Variants in SLC26A11 observed in about 807,000 individuals in gnomAD.
SLC26A11 encodes the protein sodium-independent sulfate anion transporter.
Under a neutral mutation model 62.2 loss-of-function variants are expected in SLC26A11, and 58 were observed. The ratio of observed to expected loss-of-function variants is 0.93; its 90% CI spans 0.76 to 1.16. SLC26A11 has a LOEUF of 1.16. Ranked by LOEUF, SLC26A11 falls within the 50% of genes most tolerant of loss-of-function variation. The pLI is 0.00. For synonymous variants in SLC26A11, 411 were observed against 368.9 expected (o/e 1.11, Z -1.31); for missense variants, 790 against 794.3 (o/e 0.99, Z 0.06).
chr17:80,224,270 TGA>T (rs1249211447), intron 5 of SLC26A11, among the ~76,000 whole-genome samples: 4 of 118,618 alleles, frequency 3.4e-5, no homozygotes, highest in Admixed American at 1.0e-4. Context: ...TGTGCGTGTG[TGA>T]GTGAGTGCGT....
rs773357490 is a variant in SLC26A11 at position 80,222,211 on chromosome 17, C to T, written c.234+417C>T. Reference sequence around the variant, plus strand: ...CTAACAGGGTGAAACCCCGTCTCTACTAAAAATACAAAAAATTAGCCAGGT... The same window carrying T: ...CTAACAGGGTGAAACCCCGTCTCTATTAAAAATACAAAAAATTAGCCAGGT... On this transcript the variant is annotated intron_variant, in intron 3 of 17. Coordinates refer to ENST00000361193, the MANE Select transcript of SLC26A11 (RefSeq NM_001166347.2). The surrounding 1 kb of genome is among the most constrained non-coding windows in gnomAD (Gnocchi z 4.7). The T allele has an allele frequency of 2.7e-4, 52 of 194,324 alleles. No homozygotes were observed. The highest frequency in any genetic ancestry group is 4.6e-4 in the Non-Finnish European group (44 of 96,324). The allele number at this position is 194,324 out of a possible 1,614,324, so 12.0% of individuals were successfully genotyped here.
intron 9 of SLC26A11, among the ~76,000 whole-genome samples, chr17:80,237,877 C>T (rs1016034315): frequency 6.6e-6 from 1 of 152,230 alleles, no homozygotes; most frequent in African/African-American, 2.4e-5. Context: ...CCGATGTCCA[C>T]GGTGTAAACG....
In SLC26A11 at chr17:80,229,440, G is replaced by GT. The variant is rs760343908; in HGVS notation, c.736+1488dup. Among the ~76,000 whole-genome samples the GT allele has an allele frequency of 3.6e-3, 553 of 151,646 alleles. 4 individuals are homozygous for GT. The highest frequency in any genetic ancestry group is 0.012 in the African/African-American group (516 of 41,298). ...TATCTTTGTTATCTTTTGTTTTTTG[G>GT]TTTTTTTTGGAGACGGTGTCTCACT... On this transcript the variant is annotated intron_variant, in intron 7 of 17. Transcript: ENST00000361193.
chr17:80,237,149 GC>G, intron 8 of SLC26A11, 46 bp downstream of exon 8: 2 of 1,582,412 alleles, frequency 1.3e-6, no homozygotes, highest in South Asian at 1.1e-5. Flanking sequence ...GGCTGCGGTG[GC>G]CCCTGGCCTG....
Position 80,221,787 on chromosome 17 carries a change from C to T in SLC26A11, c.227C>T (p.Pro76Leu), listed in dbSNP as rs371832198. Residue 76 changes from proline (P) to leucine (L), a missense_variant, in exon 3 of 18, where the codon CCG (proline) becomes CTG (leucine). Coordinates refer to ENST00000361193, the MANE Select transcript of SLC26A11 (RefSeq NM_001166347.2). ...ALAYAEVAGL[P>L]PQYGLYSAFM... The stretch of plus-strand genomic sequence containing the variant: ...GCCTATGCTGAAGTGGCTGGACTCC[C>T]GCCCCAGGTGAGGCGTCTGACCCTG... The T allele has an allele frequency of 7.5e-6, 12 of 1,609,972 alleles. No individual in the cohort carries two copies. Among genetic ancestry groups the T allele is most frequent in the African/African-American group, 2.7e-5 (2 of 74,928 alleles).
Position 80,224,384 on chromosome 17 carries a change from T to C in SLC26A11, c.513+1047T>C, listed in dbSNP as rs1248515758. On this transcript the variant is annotated intron_variant, in intron 5 of 17. Coordinates refer to ENST00000361193, the MANE Select transcript of SLC26A11 (RefSeq NM_001166347.2). ...GAGGGAGTGTGAGTGCGCGCGCGCG[T>C]GTGTGAGTGTATGAGTGTGAGAGTG... 7.3e-4 allele frequency among the ~76,000 whole-genome samples: 105 copies of C among 144,270 alleles called. 1 individual carries two copies. Among genetic ancestry groups the C allele is most frequent in the South Asian group, 1.8e-3 (8 of 4,546 alleles). The allele number at this position is 144,270 out of a possible 152,430, so 94.6% of individuals were successfully genotyped here.
intron 10 of SLC26A11, among the ~76,000 whole-genome samples, chr17:80,242,330 AC>A (rs1372329718): frequency 3.3e-5 from 5 of 152,062 alleles, no homozygotes; most frequent in African/African-American, 4.8e-5. Flanking sequence ...GCTCAGTTTA[AC>A]CCCTAAGAAC....
Position 80,249,012 on chromosome 17 carries a change from C to G in SLC26A11, c.1523-142C>G, listed in dbSNP as rs1260310639. 4.8e-6 allele frequency: 5 copies of G among 1,048,694 alleles called. No individual in the cohort carries two copies. In the African/African-American group the frequency reaches 8.0e-5, roughly 17 times the overall value. 65.0% of individuals were successfully genotyped at this position (1,048,694 alleles called of 1,614,324 possible). ...TCTCTGGTCCTGCCACCCGAATCCCCCAACTGGGCGACTCAGCCGCCACGA... is the reference window on the plus strand; with the variant it reads ...TCTCTGGTCCTGCCACCCGAATCCCGCAACTGGGCGACTCAGCCGCCACGA... On this transcript the variant is annotated intron_variant, in intron 15 of 17. Coordinates refer to ENST00000361193, the MANE Select transcript of SLC26A11 (RefSeq NM_001166347.2).
At position 80,228,145 on chromosome 17, in the gene SLC26A11, T is replaced by A. The variant is rs1278033571; in HGVS notation, c.736+185T>A. Among the ~76,000 whole-genome samples the A allele has an allele frequency of 2.0e-5, 3 of 152,128 alleles. No individual in the cohort carries two copies. The highest frequency in any genetic ancestry group is 1.3e-4 in the Admixed American group (2 of 15,276). On this transcript the variant is annotated intron_variant, in intron 7 of 17. Coordinates refer to ENST00000361193, the MANE Select transcript of SLC26A11 (RefSeq NM_001166347.2). The surrounding 1 kb of genome is among the most constrained non-coding windows in gnomAD (Gnocchi z 4.1). ...TTTTATTTAATTAATTAATTAATTATTTTTTGAGACAGAGTTTCGCTCTGT... is the reference window on the plus strand; with the variant it reads ...TTTTATTTAATTAATTAATTAATTAATTTTTGAGACAGAGTTTCGCTCTGT...
At chr17:80,227,687 A>G in intron 6 of SLC26A11, 131 bp from the exon 7 acceptor site, 2 of 1,297,420 alleles carry the variant, frequency 1.5e-6, no homozygotes, top group Non-Finnish European at 2.1e-6. Flanking sequence ...GTGGTCTGGG[A>G]CCAGCAGCCT....
chr17:80,234,927 G>A (rs1337959348), intron 7 of SLC26A11, among the ~76,000 whole-genome samples: 2 of 150,036 alleles, frequency 1.3e-5, no homozygotes, highest in South Asian at 2.1e-4. Flanking sequence ...TTGGCTCACT[G>A]TAACCTCTGC....
At chr17:80,230,772 T>G (rs1050376871) in intron 7 of SLC26A11, among the ~76,000 whole-genome samples, 1 of 152,230 alleles carries the variant, frequency 6.6e-6, no homozygotes, top group Admixed American at 6.5e-5. Flanking sequence ...GCTGACTCCT[T>G]TCTCCCCAGT....
chr17:80,243,248 C>T (rs1309665309), intron 10 of SLC26A11, among the ~76,000 whole-genome samples: 2 of 152,240 alleles, frequency 1.3e-5, no homozygotes, highest in African/African-American at 2.4e-5. Flanking sequence ...CCATGGAGAG[C>T]GGGGCATTGT....
At position 80,223,437 on chromosome 17, in the gene SLC26A11, A is replaced by G. The variant is rs1598787406; in HGVS notation, c.513+100A>G. On this transcript the variant is annotated intron_variant, in intron 5 of 17. Transcript: ENST00000361193. The surrounding 1 kb of genome is among the most constrained non-coding windows in gnomAD (Gnocchi z 4.6). ...GAGGCCAGTCCTGATCCCTGTGGCC[A>G]GTGGACGTCTTGCTGTTTCAGATTG... 1.8e-6 allele frequency: 2 copies of G among 1,096,726 alleles called. No homozygotes were observed. 67.9% of individuals were successfully genotyped at this position (1,096,726 alleles called of 1,614,324 possible).
At chr17:80,249,731 C>T (rs1326887939) in intron 16 of SLC26A11, among the ~76,000 whole-genome samples, 3 of 149,728 alleles carry the variant, frequency 2.0e-5, no homozygotes, top group African/African-American at 4.9e-5. Flanking sequence ...CATGGTGAAA[C>T]CCCGTCTCTA....
intron 5 of SLC26A11, among the ~76,000 whole-genome samples, chr17:80,224,588 A>G (rs920410392): frequency 6.6e-5 from 10 of 152,104 alleles, no homozygotes; most frequent in Non-Finnish European, 1.5e-4. Flanking sequence ...CATTATTTCC[A>G]TTTGAGAGAG....
Position 80,246,908 on chromosome 17 carries a change from G to A in SLC26A11, c.1294+259G>A, listed in dbSNP as rs2043015023. Among the ~76,000 whole-genome samples, 1 of 151,914 alleles carries A rather than the reference G, an allele frequency of 6.6e-6. No individual in the cohort carries two copies. The highest frequency in any genetic ancestry group is 6.6e-5 in the Admixed American group (1 of 15,256). On this transcript the variant is annotated intron_variant, in intron 13 of 17. Coordinates refer to ENST00000361193, the MANE Select transcript of SLC26A11 (RefSeq NM_001166347.2). This position sits in a 1 kb window ranked among gnomAD's most constrained non-coding sequence, Gnocchi z 4.4. The stretch of plus-strand genomic sequence containing the variant: ...CTGACCCGGGGGAGGGTCCCCTCCT[G>A]ATCCCCCTGCCCCCATCCCTACCCT...
intron 9 of SLC26A11, among the ~76,000 whole-genome samples, chr17:80,239,887 C>T (rs956474617): frequency 6.6e-6 from 1 of 152,238 alleles, no homozygotes; most frequent in Non-Finnish European, 1.5e-5. Flanking sequence ...TATATGAAAT[C>T]CAGATCTCAT....
chr17:80,251,523 G>A (rs1454196234), intron 17 of SLC26A11, 122 bp downstream of exon 17: 1 of 1,305,328 alleles, frequency 7.7e-7, no homozygotes, highest in Non-Finnish European at 1.0e-6. Context: ...AGCACTTTGG[G>A]AGGCCGAGGC....
Sources: gnomAD v4.1 joint callset for allele counts (sites outside exome capture counted in the v4.1 genomes callset) on GRCh38, gnomAD v4.1.1 for gene constraint, Gnocchi (gnomAD v3.1) non-coding constraint, MANE v1.5 for transcripts, NCBI Gene and HGNC (gene_info 2026-07-23, HGNC 2026-07-21) for gene names.